Variants in CRACR2A observed in about 807,000 individuals in gnomAD.
CRACR2A encodes EF-hand calcium-binding domain-containing protein 4B.
CRACR2A carries 79 observed loss-of-function variants against 90.5 expected under a neutral mutation model. The ratio of observed to expected loss-of-function variants is 0.87; its 90% confidence interval spans 0.73 to 1.05. CRACR2A has a LOEUF of 1.05. Among genes scored for constraint, CRACR2A ranks in the 50% least tolerant of loss-of-function variants. The probability of loss-of-function intolerance (pLI) is 0.00; values close to 1 mark genes in which losing one functional copy is unlikely to be tolerated. For missense variants in CRACR2A, 823 were observed against 897.2 expected (o/e 0.92, Z 1.06); for synonymous variants, 338 against 356.7 (o/e 0.95, Z 0.59).
chr12:3,734,982 C>T (rs1466590097), intron 1 of CRACR2A, among the ~76,000 whole-genome samples: 2 of 152,216 alleles, frequency 1.3e-5, no homozygotes, highest in South Asian at 2.1e-4. Flanking sequence ...GTATTGTATA[C>T]TTGAAATTTG....
At chr12:3,717,337 C>A (rs1946097309) in intron 2 of CRACR2A, among the ~76,000 whole-genome samples, 1 of 152,190 alleles carries the variant, frequency 6.6e-6, no homozygotes. Flanking sequence ...AGGAGTGCTG[C>A]TGGCCACCAA....
intron 7 of CRACR2A, among the ~76,000 whole-genome samples, chr12:3,671,763 C>T (rs1455547192): frequency 6.6e-6 from 1 of 152,204 alleles, no homozygotes; most frequent in East Asian, 1.9e-4. Context: ...ATTTAAAATA[C>T]TAATAATTAT....
chr12:3,627,897 G>A (rs1457579475), intron 15 of CRACR2A, among the ~76,000 whole-genome samples, 191 bp from the exon 16 acceptor site: 1 of 152,136 alleles, frequency 6.6e-6, no homozygotes, highest in Non-Finnish European at 1.5e-5. Flanking sequence ...CCTCAGCTCT[G>A]GTCCTGTCTC....
intron 10 of CRACR2A, among the ~76,000 whole-genome samples, chr12:3,653,603 G>A (rs1424598892): frequency 2.6e-5 from 4 of 152,178 alleles, no homozygotes; most frequent in African/African-American, 7.2e-5. Context: ...ATGGCTGGAC[G>A]ATATTGGCAG....
intron 7 of CRACR2A, among the ~76,000 whole-genome samples, chr12:3,673,195 C>T (rs55859907): frequency 5.9e-5 from 9 of 152,064 alleles, no homozygotes. Flanking sequence ...TCCTTCAAAG[C>T]GTTGTGGTGA....
intron 13 of CRACR2A, among the ~76,000 whole-genome samples, chr12:3,638,818 G>A (rs1944506556): frequency 6.6e-6 from 1 of 152,212 alleles, no homozygotes; most frequent in Admixed American, 6.5e-5. Flanking sequence ...CAAATTGTGA[G>A]ACTGCTGTGA....
intron 18 of CRACR2A, 75 bp from the exon 19 acceptor site, chr12:3,617,105 C>T: frequency 9.2e-7 from 1 of 1,087,660 alleles, no homozygotes; most frequent in Non-Finnish European, 1.4e-6. Context: ...GGAGAGCCCC[C>T]TTGTGCATCT....
At chr12:3,664,253 A>G (rs1337214677) in intron 7 of CRACR2A, among the ~76,000 whole-genome samples, 3 of 152,228 alleles carry the variant, frequency 2.0e-5, no homozygotes, top group Non-Finnish European at 2.9e-5. Context: ...TGTAGCCACA[A>G]ACATGATCAA....
chr12:3,645,387 A>G (rs1944664945), intron 11 of CRACR2A, among the ~76,000 whole-genome samples: 1 of 152,194 alleles, frequency 6.6e-6, no homozygotes, highest in Admixed American at 6.5e-5. Flanking sequence ...AAGGGAGAGT[A>G]GTTAGGAGAT....
intron 1 of CRACR2A, among the ~76,000 whole-genome samples, chr12:3,750,454 G>C (rs1388426715): frequency 6.6e-6 from 1 of 152,178 alleles, no homozygotes; most frequent in African/African-American, 2.4e-5. Flanking sequence ...CTATGACATT[G>C]TAAGAGGCCG....
At chr12:3,653,236 CT>C (rs113626177) in intron 10 of CRACR2A, among the ~76,000 whole-genome samples, 17,889 of 152,180 alleles carry the variant, frequency 0.12, 1,184 homozygotes, top group Middle Eastern at 0.16. Flanking sequence ...CCACCTTGGC[CT>C]CCCAAAGTGC....
At chr12:3,629,077 C>T (rs1249756898) in intron 15 of CRACR2A, among the ~76,000 whole-genome samples, 1 of 152,192 alleles carries the variant, frequency 6.6e-6, no homozygotes, top group Non-Finnish European at 1.5e-5. Flanking sequence ...TTTCTATGTG[C>T]TCCCTCTTCA....
chr12:3,654,298 C>T lies in CRACR2A; in HGVS notation c.960G>A (p.Glu320=). Residue 320 remains glutamate (E), a synonymous_variant, in exon 10 of 20, where the codon GAG becomes GAA. Coordinates refer to ENST00000440314, the MANE Select transcript of CRACR2A (RefSeq NM_001144958.2). ...LTNQELAREL[E]RTSWELQDAQ... Reference sequence around the variant, plus strand: ...CATCCTGGAGCTCCCAGGAAGTCCGCTCCAGCTCCCGGGCCAGCTCCTGGT... The same window carrying T: ...CATCCTGGAGCTCCCAGGAAGTCCGTTCCAGCTCCCGGGCCAGCTCCTGGT... The T allele has an allele frequency of 1.9e-6, 3 of 1,613,994 alleles. No homozygotes were observed. The highest frequency in any genetic ancestry group is 2.5e-6 in the Non-Finnish European group (3 of 1,179,966).
At chr12:3,639,457 A>AACACACACACACGCAC (rs1555107014) in intron 13 of CRACR2A, among the ~76,000 whole-genome samples, 4 of 139,466 alleles carry the variant, frequency 2.9e-5, no homozygotes, top group African/African-American at 1.1e-4. Context: ...CCAGAATTGA[A>AACACACACACACGCAC]ACACACACAC....
At chr12:3,690,983 T>C (rs1945640420) in intron 4 of CRACR2A, among the ~76,000 whole-genome samples, 1 of 152,234 alleles carries the variant, frequency 6.6e-6, no homozygotes, top group African/African-American at 2.4e-5. Context: ...CCTGCTTTTT[T>C]TCTGTTTTCC....
chr12:3,654,627 T>A (rs934414993), intron 9 of CRACR2A, among the ~76,000 whole-genome samples: 2 of 152,174 alleles, frequency 1.3e-5, no homozygotes, highest in Non-Finnish European at 2.9e-5. Flanking sequence ...TGTCTCCACA[T>A]AGGACCACTA....
At chr12:3,690,356 G>A (rs1296735896) in intron 4 of CRACR2A, among the ~76,000 whole-genome samples, 1 of 152,138 alleles carries the variant, frequency 6.6e-6, no homozygotes, top group African/African-American at 2.4e-5. Flanking sequence ...CTGGTATGTT[G>A]TATCTTTGTT....
At chr12:3,700,620 A>C (rs1296480273) in intron 3 of CRACR2A, among the ~76,000 whole-genome samples, 3 of 152,260 alleles carry the variant, frequency 2.0e-5, no homozygotes, top group Non-Finnish European at 4.4e-5. Context: ...GGAATTAAAA[A>C]GTCATTTCGT....
intron 1 of CRACR2A, among the ~76,000 whole-genome samples, chr12:3,742,869 T>C (rs139559364): frequency 1.3e-3 from 202 of 152,350 alleles, no homozygotes; most frequent in East Asian, 1.5e-3. Context: ...TCCCATCTCC[T>C]TGGCAAAAGT....
Sources: allele counts gnomAD v4.1 joint callset (sites outside exome capture counted in the v4.1 genomes callset), GRCh38; gene constraint gnomAD v4.1.1; transcripts MANE v1.5; gene names NCBI Gene and HGNC (gene_info 2026-07-23, HGNC 2026-07-21).